The following CNOT1 variants were observed in gnomAD, a reference collection of about 807,000 sequenced individuals.
CNOT1 encodes the protein CCR4-associated factor 1.
CNOT1 carries 15 observed loss-of-function variants against 273.8 expected under a neutral mutation model. That is an observed-to-expected ratio of 0.05 (90% CI 0.04 to 0.08). The LOEUF (loss-of-function observed/expected upper bound fraction) is 0.08. Ranked by LOEUF, CNOT1 falls within the 10% of genes least tolerant of loss-of-function variation. CNOT1 has a pLI of 1.00. For missense variants in CNOT1, 1,644 were observed against 2,912.2 expected (o/e 0.56, Z 10.02); for synonymous variants, 1,022 against 1,005.5 (o/e 1.02, Z -0.31).
chr16:58,570,242 T>C (rs1244059693), intron 16 of CNOT1, among the ~76,000 whole-genome samples: 1 of 152,202 alleles, frequency 6.6e-6, no homozygotes, highest in East Asian at 1.9e-4. Context: ...TCAAGAATCC[T>C]GGCTGAAATG....
chr16:58,560,657 T>C (rs989541742), intron 16 of CNOT1, among the ~76,000 whole-genome samples: 3 of 152,272 alleles, frequency 2.0e-5, no homozygotes, highest in African/African-American at 7.2e-5. Context: ...GGCGGAAGGA[T>C]TGCTTGAGCC....
Position 58,539,689 on chromosome 16 carries a change from T to A in CNOT1, c.4992+79A>T, listed in dbSNP as rs542384873. The A allele has an allele frequency of 2.1e-4, 282 of 1,366,050 alleles. 2 individuals carry two copies. In the South Asian group the frequency reaches 4.5e-3, roughly 22 times the overall value. 84.6% of individuals were successfully genotyped at this position (1,366,050 alleles called of 1,614,324 possible). The stretch of plus-strand genomic sequence containing the variant: ...TTATGAAATCTTAAGCATAACTGCA[T>A]AAATATGTAGATGGTGGTGCAGGTC... On this transcript the variant is annotated intron_variant, in intron 35 of 48. Coordinates refer to ENST00000317147, the MANE Select transcript of CNOT1 (RefSeq NM_016284.5).
chr16:58,615,072 G>C lies in CNOT1; in HGVS notation c.-175+14656C>G, dbSNP rs1277063441. Among the ~76,000 whole-genome samples, 6 of 122,788 alleles carry C rather than the reference G, an allele frequency of 4.9e-5. 1 individual carries two copies. Among genetic ancestry groups the C allele is most frequent in the African/African-American group, 1.6e-4 (6 of 36,386 alleles). The allele number at this position is 122,788 out of a possible 152,430, so 80.6% of individuals were successfully genotyped here. ...TGGGCTTTTCTCCTAGTGAATTACT[G>C]AACCTGCAGGTGGACTTGGGAACTG... On this transcript the variant is annotated intron_variant, in intron 1 of 48. Transcript: ENST00000317147.
chr16:58,535,725 A>C (rs1395008158), intron 39 of CNOT1, among the ~76,000 whole-genome samples: 1 of 151,512 alleles, frequency 6.6e-6, no homozygotes, highest in Non-Finnish European at 1.5e-5. Flanking sequence ...AGTAAACCTA[A>C]TTTCTTTTTT....
intron 44 of CNOT1, chr16:58,528,000 C>A: frequency 2.8e-6 from 1 of 353,404 alleles, no homozygotes; most frequent in African/African-American, 2.2e-5. Context: ...GTAATCCCAG[C>A]TACTTGGGAG....
At chr16:58,569,482 T>C (rs1209007877) in intron 16 of CNOT1, among the ~76,000 whole-genome samples, 1 of 150,748 alleles carries the variant, frequency 6.6e-6, no homozygotes, top group Non-Finnish European at 1.5e-5. Context: ...AACATAGGAA[T>C]ACTATCTCAA....
chr16:58,583,233 A>T, intron 8 of CNOT1, 51 bp from the exon 9 acceptor site: 1 of 1,595,418 alleles, frequency 6.3e-7, no homozygotes, highest in Non-Finnish European at 8.5e-7. Flanking sequence ...CAACACCGAG[A>T]TTGAGAAATT....
Position 58,525,942 on chromosome 16 carries a change from T to C in CNOT1, c.6603+47A>G, listed in dbSNP as rs555021679. On this transcript the variant is annotated intron_variant, in intron 45 of 48. Transcript: ENST00000317147. ...CACACACAGGACCATACATAGAAAG[T>C]GCTTTATATGGAAGACGTAGATGAG... 422 of 1,546,732 alleles carry C rather than the reference T, an allele frequency of 2.7e-4. 7 individuals carry two copies. The South Asian group carries it at 4.3e-3, about 16-fold the overall frequency.
intron 16 of CNOT1, among the ~76,000 whole-genome samples, chr16:58,561,060 C>T (rs2040822165): frequency 6.6e-6 from 1 of 152,168 alleles, no homozygotes; most frequent in African/African-American, 2.4e-5. Context: ...TGGCATGTGC[C>T]TGTAATCCCA....
chr16:58,596,780 C>T (rs1228191713), intron 2 of CNOT1, among the ~76,000 whole-genome samples: 1 of 146,780 alleles, frequency 6.8e-6, no homozygotes, highest in Non-Finnish European at 1.5e-5. Context: ...CCCAGCTACT[C>T]GGGAGGCTGA....
intron 1 of CNOT1, among the ~76,000 whole-genome samples, chr16:58,626,820 T>C (rs1042653769): frequency 1.3e-5 from 2 of 152,006 alleles, no homozygotes; most frequent in Admixed American, 6.6e-5. Context: ...ATAACAAATA[T>C]TTTGCAAAAT....
chr16:58,545,526 T>C (rs1250743659), intron 29 of CNOT1, 35 bp from the exon 30 acceptor site: 1 of 1,611,244 alleles, frequency 6.2e-7, no homozygotes, highest in Non-Finnish European at 8.5e-7. Context: ...ATTTAAAAAG[T>C]ACATTTGTTG....
intron 12 of CNOT1, 105 bp from the exon 13 acceptor site, chr16:58,579,044 T>C: frequency 6.7e-7 from 1 of 1,486,022 alleles, no homozygotes; most frequent in Non-Finnish European, 8.9e-7. Context: ...CAAGTTGGTG[T>C]CATGTTTTAA....
chr16:58,597,859 G>A, intron 2 of CNOT1: 2 of 348,934 alleles, frequency 5.7e-6, no homozygotes, highest in Non-Finnish European at 1.1e-5. Context: ...GCAAGGGCAA[G>A]GGTCTGGCTG....
Position 58,554,713 on chromosome 16 carries a change from A to T in CNOT1, c.2891+538T>A, listed in dbSNP as rs146254301. Among the ~76,000 whole-genome samples, 1,096 of 150,318 alleles carry T rather than the reference A, an allele frequency of 7.3e-3. 9 individuals are homozygous for T. The highest frequency in any genetic ancestry group is 0.012 in the East Asian group (60 of 4,982). ...CACTCTGGGAGGCCGAGGTGGGTGG[A>T]TCACCCGAGGTCAGGAGTTCAAGAC... On this transcript the variant is annotated intron_variant, in intron 21 of 48. Coordinates refer to ENST00000317147, the MANE Select transcript of CNOT1 (RefSeq NM_016284.5).
At chr16:58,573,858 G>A (rs2041372010) in intron 16 of CNOT1, among the ~76,000 whole-genome samples, 1 of 152,044 alleles carries the variant, frequency 6.6e-6, no homozygotes, top group Admixed American at 6.6e-5. Context: ...AAACAACAAA[G>A]CTGGGAAATT....
At chr16:58,610,942 C>CAGG (rs1233743995) in intron 1 of CNOT1, among the ~76,000 whole-genome samples, 1 of 151,984 alleles carries the variant, frequency 6.6e-6, no homozygotes, top group Admixed American at 6.6e-5. Context: ...GAGGCTGAGG[C>CAGG]AGGAGAATCG....
At position 58,525,935 on chromosome 16, in the gene CNOT1, T is replaced by C. The variant is rs938433918; in HGVS notation, c.6603+54A>G. On this transcript the variant is annotated intron_variant, in intron 45 of 48. Coordinates refer to ENST00000317147, the MANE Select transcript of CNOT1 (RefSeq NM_016284.5). The stretch of plus-strand genomic sequence containing the variant: ...AATGGACCACACACAGGACCATACA[T>C]AGAAAGTGCTTTATATGGAAGACGT... The C allele has an allele frequency of 3.9e-6, 6 of 1,522,566 alleles. No individual in the cohort carries two copies. In the Admixed American group the frequency reaches 5.1e-5, roughly 13 times the overall value. The allele number at this position is 1,522,566 out of a possible 1,614,324, so 94.3% of individuals were successfully genotyped here. A position where few individuals can be genotyped will look rare whatever the true frequency, so the allele number is the denominator to read the frequency against.
chr16:58,563,430 A>G (rs2040930744), intron 16 of CNOT1, among the ~76,000 whole-genome samples: 1 of 152,184 alleles, frequency 6.6e-6, no homozygotes, highest in African/African-American at 2.4e-5. Flanking sequence ...AAATTGCCTG[A>G]TGACACATAT....
Sources: allele counts gnomAD v4.1 joint callset (sites outside exome capture counted in the v4.1 genomes callset), GRCh38; gene constraint gnomAD v4.1.1; transcripts MANE v1.5; gene names NCBI Gene and HGNC (gene_info 2026-07-23, HGNC 2026-07-21).